THSD4: variants seen among roughly 807,000 people sequenced by gnomAD.
THSD4 encodes thrombospondin type 1 domain containing 4, also known as thrombospondin type-1 domain-containing protein 4.
A neutral mutation model predicts 119.0 loss-of-function variants in THSD4; 69 were observed. That is an observed-to-expected ratio of 0.58 (90% CI 0.48 to 0.71). The LOEUF is 0.71. Ranked by LOEUF, THSD4 falls within the 30% of genes least tolerant of loss-of-function variation. The probability of loss-of-function intolerance (pLI) is 0.00; values close to 1 mark genes in which losing one functional copy is unlikely to be tolerated. For synonymous variants in THSD4, 524 were observed against 540.4 expected, an observed-to-expected ratio of 0.97 and a Z score of 0.42; for missense variants, 1,393 against 1,391.1, an observed-to-expected ratio of 1.00 and a Z score of -0.02.
At chr15:71,623,196 A>T (rs2050449285) in intron 7 of THSD4, among the ~76,000 whole-genome samples, 2 of 152,222 alleles carry the variant, frequency 1.3e-5, no homozygotes, top group Non-Finnish European at 2.9e-5. Flanking sequence ...TTCTATTATA[A>T]TAATCAAGGA....
intron 7 of THSD4, among the ~76,000 whole-genome samples, chr15:71,633,409 G>C (rs2050675833): frequency 6.6e-6 from 1 of 151,524 alleles, no homozygotes; most frequent in Non-Finnish European, 1.5e-5. Flanking sequence ...CCCATTAGCT[G>C]AGACCACAGG....
intron 6 of THSD4, among the ~76,000 whole-genome samples, chr15:71,376,546 C>T (rs2140444165): frequency 6.6e-6 from 1 of 152,276 alleles, no homozygotes; most frequent in Middle Eastern, 3.4e-3. Flanking sequence ...ATTTGGATCT[C>T]CCCTGGGACA....
At chr15:71,710,820 G>C (rs1419167055) in intron 8 of THSD4, among the ~76,000 whole-genome samples, 1 of 151,988 alleles carries the variant, frequency 6.6e-6, no homozygotes, top group Non-Finnish European at 1.5e-5. Context: ...CTGTATCAAA[G>C]CTGTAACTTA....
At chr15:71,762,361 AG>A (rs1242379418) in intron 15 of THSD4, among the ~76,000 whole-genome samples, 1 of 152,224 alleles carries the variant, frequency 6.6e-6, no homozygotes, top group Non-Finnish European at 1.5e-5. Context: ...CAAAGTTTGC[AG>A]TCTTCTGTTC....
intron 7 of THSD4, among the ~76,000 whole-genome samples, chr15:71,452,698 C>T (rs545298644): frequency 6.6e-6 from 1 of 152,208 alleles, no homozygotes; most frequent in East Asian, 1.9e-4. Flanking sequence ...TCACTACAGC[C>T]TCCACCTCCT....
intron 7 of THSD4, among the ~76,000 whole-genome samples, chr15:71,632,329 C>G (rs1450568455): frequency 6.6e-6 from 1 of 152,164 alleles, no homozygotes; most frequent in African/African-American, 2.4e-5. Flanking sequence ...GATTCCGTGT[C>G]CCCTCCTGAT....
chr15:71,680,881 A>G (rs2051760697), intron 8 of THSD4, among the ~76,000 whole-genome samples: 1 of 151,554 alleles, frequency 6.6e-6, no homozygotes, highest in Admixed American at 6.6e-5. Context: ...GGCACAAAAT[A>G]CTTATTCAAT....
intron 8 of THSD4, among the ~76,000 whole-genome samples, chr15:71,698,624 A>AATATATACATGCGTGTATATATTTCATGT: frequency 6.8e-6 from 1 of 147,984 alleles, no homozygotes; most frequent in Admixed American, 6.6e-5. Flanking sequence ...GAACTTGTGA[A>AATATATACATGCGTGTATATATTTCATGT]ATATATACAT....
intron 7 of THSD4, among the ~76,000 whole-genome samples, chr15:71,523,363 CTCTGTGTTTCTCT>C (rs1385627600): frequency 6.6e-6 from 1 of 152,192 alleles, no homozygotes; most frequent in Admixed American, 6.5e-5. Flanking sequence ...CTTCTTTTCT[CTCTGTGTTTCTCT>C]TCTGTGTGTC....
At chr15:71,250,399 A>G (rs774666490) in intron 5 of THSD4, among the ~76,000 whole-genome samples, 5 of 152,154 alleles carry the variant, frequency 3.3e-5, no homozygotes, top group African/African-American at 4.8e-5. Context: ...GTGCAGCGGC[A>G]TGATCATAGC....
intron 7 of THSD4, among the ~76,000 whole-genome samples, chr15:71,491,208 G>A (rs982371783): frequency 6.6e-6 from 1 of 152,140 alleles, no homozygotes; most frequent in Non-Finnish European, 1.5e-5. Flanking sequence ...ACAACACTGG[G>A]TATGATCATA....
intron 7 of THSD4, among the ~76,000 whole-genome samples, chr15:71,608,006 G>T (rs1426601917): frequency 1.3e-5 from 2 of 151,954 alleles, no homozygotes; most frequent in African/African-American, 4.8e-5. Flanking sequence ...GGCGGATCAC[G>T]AGGTCAGGAG....
chr15:71,133,812 G>GT (rs998314737), intron 1 of THSD4, among the ~76,000 whole-genome samples: 16 of 152,062 alleles, frequency 1.1e-4, no homozygotes, highest in African/African-American at 3.9e-4. Flanking sequence ...CCTGGGAAAC[G>GT]TTTTTTTAGG....
At chr15:71,723,462 C>G (rs1313010977) in intron 8 of THSD4, among the ~76,000 whole-genome samples, 1 of 152,100 alleles carries the variant, frequency 6.6e-6, no homozygotes, top group African/African-American at 2.4e-5. Flanking sequence ...CTGTGAATTG[C>G]CTATTTATTA....
In THSD4 at chr15:71,780,653, C is replaced by T. The variant is rs1425366624; in HGVS notation, c.*3279C>T. 1 of 456,710 alleles carries T rather than the reference C, an allele frequency of 2.2e-6. No individual in the cohort carries two copies. The highest frequency in any genetic ancestry group is 4.4e-6 in the Non-Finnish European group (1 of 226,956). The allele number at this position is 456,710 out of a possible 1,614,324, so 28.3% of individuals were successfully genotyped here. On this transcript the variant is annotated 3_prime_UTR_variant, in exon 18 of 18. Transcript: ENST00000261862. ...GTTGGGGACCCCAGGGAGGGCAAGG[C>T]AGCCTGTCCCCGCCCCCAGGGAACT...
intron 1 of THSD4, among the ~76,000 whole-genome samples, chr15:71,105,350 G>T (rs1035200386): frequency 3.4e-4 from 52 of 152,178 alleles, no homozygotes; most frequent in African/African-American, 1.3e-3. Flanking sequence ...GTCTAGAAGG[G>T]TCCAAAGCAT....
At chr15:71,124,564 T>C (rs2040436603) in intron 1 of THSD4, among the ~76,000 whole-genome samples, 1 of 152,184 alleles carries the variant, frequency 6.6e-6, no homozygotes, top group African/African-American at 2.4e-5. Flanking sequence ...ATTCACAAGT[T>C]CTGTCAAAAG....
intron 8 of THSD4, among the ~76,000 whole-genome samples, chr15:71,711,220 T>C (rs2052508806): frequency 6.6e-6 from 1 of 151,848 alleles, no homozygotes; most frequent in African/African-American, 2.4e-5. Flanking sequence ...CAGATTTTTT[T>C]TGAAAATAGG....
At chr15:71,566,817 C>G (rs1445262028) in intron 7 of THSD4, among the ~76,000 whole-genome samples, 1 of 149,930 alleles carries the variant, frequency 6.7e-6, no homozygotes, top group Non-Finnish European at 1.5e-5. Flanking sequence ...ATTGGCATTT[C>G]TTTCCATGGG....
Sources: gnomAD v4.1 joint callset for allele counts (sites outside exome capture counted in the v4.1 genomes callset) on GRCh38, gnomAD v4.1.1 for gene constraint, MANE v1.5 for transcripts, NCBI Gene and HGNC (gene_info 2026-07-23, HGNC 2026-07-21) for gene names.